Variants in ANAPC1 observed in about 807,000 individuals in gnomAD.
The protein encoded by ANAPC1 is anaphase promoting complex subunit 1, also known as anaphase-promoting complex subunit 1.
In ANAPC1, 36 loss-of-function variants were observed where a neutral mutation model predicts 208.0. The ratio of observed to expected loss-of-function variants is 0.17; its 90% CI spans 0.13 to 0.23. The LOEUF (loss-of-function observed/expected upper bound fraction) is 0.23, where lower values mean the gene tolerates loss of function less well. Ranked by LOEUF, ANAPC1 falls within the 10% of genes least tolerant of loss-of-function variation. ANAPC1 has a pLI of 1.00. For missense variants in ANAPC1, 942 were observed against 2,011.6 expected (o/e 0.47, Z 10.17); for synonymous variants, 378 against 695.2 (o/e 0.54, Z 7.18).
rs187978916 is a variant in ANAPC1, at chr2:111,779,157, T to A, written c.5290-387A>T. On this transcript the variant is annotated intron_variant, in intron 44 of 47. Transcript: ENST00000341068. ...GTTTAGGGGAGGCGGCAGAGTCAAG[T>A]CCAGCTGGGGTTAAGGGTGGGCATG... 228 of 185,858 alleles carry A rather than the reference T, an allele frequency of 1.2e-3. 1 individual carries two copies. Among genetic ancestry groups the A allele is most frequent in the African/African-American group, 4.9e-3 (205 of 41,824 alleles). The allele number at this position is 185,858 out of a possible 1,614,324, so 11.5% of individuals were successfully genotyped here.
At chr2:111,801,065 A>C (rs1678416996) in intron 33 of ANAPC1, among the ~76,000 whole-genome samples, 194 bp from the exon 34 acceptor site, 1 of 152,110 alleles carries the variant, frequency 6.6e-6, no homozygotes, top group Non-Finnish European at 1.5e-5. Context: ...TTAAGCTGAA[A>C]ATACACTTAG....
chr2:111,869,689 G>A (rs1682635317), intron 6 of ANAPC1, among the ~76,000 whole-genome samples: 1 of 152,222 alleles, frequency 6.6e-6, no homozygotes, highest in African/African-American at 2.4e-5. Context: ...GGGACCCTAA[G>A]TGTTTTGGAT....
chr2:111,851,235 T>C (rs1402593255), intron 13 of ANAPC1, among the ~76,000 whole-genome samples: 1 of 152,118 alleles, frequency 6.6e-6, no homozygotes, highest in Middle Eastern at 3.2e-3. Flanking sequence ...CCTGAGTAGC[T>C]GGAACTATAG....
At chr2:111,872,343 A>G (rs1023113916) in intron 6 of ANAPC1, among the ~76,000 whole-genome samples, 1 of 152,200 alleles carries the variant, frequency 6.6e-6, no homozygotes, top group Non-Finnish European at 1.5e-5. Flanking sequence ...TGATCATGAC[A>G]TATCTTTTTG....
intron 13 of ANAPC1, among the ~76,000 whole-genome samples, chr2:111,852,188 T>G (rs1286333069): frequency 1.3e-5 from 2 of 150,066 alleles, no homozygotes. Flanking sequence ...TGAATAAAAT[T>G]TATAATGCAA....
In ANAPC1 at chr2:111,823,263, C is replaced by T. The variant is rs372721673; in HGVS notation, c.2813-663G>A. 8.6e-5 allele frequency among the ~76,000 whole-genome samples: 13 copies of T among 151,812 alleles called. 2 individuals carry two copies. The highest frequency in any genetic ancestry group is 2.7e-4 in the African/African-American group (11 of 41,402). ...CGATCTCCTGACCTCGTGATCCACCCGCCTCGGCCTCCCAAAGTGCTGGCA... is the reference window on the plus strand; with the variant it reads ...CGATCTCCTGACCTCGTGATCCACCTGCCTCGGCCTCCCAAAGTGCTGGCA... On this transcript the variant is annotated intron_variant, in intron 24 of 47. Transcript: ENST00000341068.
intron 39 of ANAPC1, among the ~76,000 whole-genome samples, chr2:111,786,076 G>A (rs1677530587): frequency 1.3e-5 from 2 of 149,958 alleles, no homozygotes; most frequent in African/African-American, 4.9e-5. Flanking sequence ...AAACAAAAAA[G>A]TTTTCATATT....
chr2:111,806,623 T>C (rs1383877060), intron 29 of ANAPC1, among the ~76,000 whole-genome samples: 2 of 98,684 alleles, frequency 2.0e-5, no homozygotes, highest in Non-Finnish European at 4.0e-5. Flanking sequence ...TGATAATGAA[T>C]AAGGAGGTCA....
intron 24 of ANAPC1, 42 bp downstream of exon 24, chr2:111,824,924 A>G: frequency 6.2e-7 from 1 of 1,610,220 alleles, no homozygotes; most frequent in Non-Finnish European, 8.5e-7. Context: ...GCTAGTCTGG[A>G]GGAAGCACGG....
intron 19 of ANAPC1, among the ~76,000 whole-genome samples, chr2:111,834,270 A>G (rs763728908): frequency 6.6e-6 from 1 of 152,234 alleles, no homozygotes; most frequent in East Asian, 1.9e-4. Flanking sequence ...TTGAATGTGG[A>G]TATTACAAAA....
rs570324881 is a variant in ANAPC1 at position 111,821,534 on chromosome 2, T to A, written c.2992-81A>T. The stretch of plus-strand genomic sequence containing the variant: ...CTGAACATGAGGATATATAGGCTGA[T>A]GTGTCTTGACTATACTAGCACAGAG... On this transcript the variant is annotated intron_variant, in intron 25 of 47. Coordinates refer to ENST00000341068, the MANE Select transcript of ANAPC1 (RefSeq NM_022662.4). The A allele has an allele frequency of 7.8e-5, 116 of 1,479,766 alleles. 1 individual carries two copies. The African/African-American group carries it at 1.4e-3, about 17-fold the overall frequency. 91.7% of individuals were successfully genotyped at this position (1,479,766 alleles called of 1,614,324 possible).
At chr2:111,839,605 TGAGA>T (rs770891889) in intron 17 of ANAPC1, among the ~76,000 whole-genome samples, 1 of 152,210 alleles carries the variant, frequency 6.6e-6, no homozygotes, top group Non-Finnish European at 1.5e-5. Context: ...TGAATGTTAT[TGAGA>T]GAGAAGATCT....
At position 111,809,128 on chromosome 2, in the gene ANAPC1, T is replaced by G; in HGVS notation, c.3651A>C (p.Leu1217=). The change falls in exon 29 of 48, where the codon CTA becomes CTC. Residue 1217 remains leucine, a synonymous_variant. Coordinates refer to ENST00000341068, the MANE Select transcript of ANAPC1 (RefSeq NM_022662.4). ...GAGTAATAGACATATCCATGGTGCC[T>G]AGTTTTGCAGCAGAAACACCAAGTA... is the stretch of plus-strand genomic sequence containing the variant. ...GLLLGVSAAK[L]GTMDMSITRL... 6.2e-7 allele frequency: 1 copy of G among 1,611,404 alleles called. No homozygotes were observed. Among genetic ancestry groups the G allele is most frequent in the Non-Finnish European group, 8.5e-7 (1 of 1,179,804 alleles).
chr2:111,829,880 G>C (rs567411599), intron 21 of ANAPC1, among the ~76,000 whole-genome samples: 1 of 152,046 alleles, frequency 6.6e-6, no homozygotes, highest in South Asian at 2.1e-4. Flanking sequence ...GACCAGCCTG[G>C]ACAATATGGT....
intron 46 of ANAPC1, among the ~76,000 whole-genome samples, chr2:111,775,771 G>A (rs1434830710): frequency 6.6e-6 from 1 of 152,098 alleles, no homozygotes; most frequent in Non-Finnish European, 1.5e-5. Flanking sequence ...GCAAAGGTCT[G>A]CCATAGGTGA....
intron 47 of ANAPC1, among the ~76,000 whole-genome samples, chr2:111,769,723 C>T (rs1296098395): frequency 7.1e-5 from 10 of 140,822 alleles, no homozygotes; most frequent in Admixed American, 6.5e-4. Context: ...ACTTTGCCAC[C>T]GGGGCTGGAG....
At chr2:111,830,498 A>G (rs1680072984) in intron 21 of ANAPC1, among the ~76,000 whole-genome samples, 1 of 152,050 alleles carries the variant, frequency 6.6e-6, no homozygotes, top group Admixed American at 6.6e-5. Context: ...CATCCATTAA[A>G]GAAAAATACA....
chr2:111,874,422 A>G (rs1682918814), intron 3 of ANAPC1, among the ~76,000 whole-genome samples: 1 of 152,054 alleles, frequency 6.6e-6, no homozygotes, highest in Non-Finnish European at 1.5e-5. Flanking sequence ...CCCATTAAAC[A>G]ATACTCCCCA....
rs1393026177 is a variant in ANAPC1, at chr2:111,875,594, T to C, written c.376-1930A>G. ...TGACAACAGTCTCCCTCCTCTCCAG[T>C]CAATCCTATATATATATTGCTAACA... On this transcript the variant is annotated intron_variant, in intron 3 of 47. Coordinates refer to ENST00000341068, the MANE Select transcript of ANAPC1 (RefSeq NM_022662.4). Among the ~76,000 whole-genome samples, 3 of 152,256 alleles carry C rather than the reference T, an allele frequency of 2.0e-5. No homozygotes were observed. The East Asian group carries it at 5.8e-4, about 29-fold the overall frequency.
Sources: gnomAD v4.1 joint callset for allele counts (sites outside exome capture counted in the v4.1 genomes callset) on GRCh38, gnomAD v4.1.1 for gene constraint, MANE v1.5 for transcripts, NCBI Gene and HGNC (gene_info 2026-07-23, HGNC 2026-07-21) for gene names.